The following SRGAP3 variants were observed in gnomAD, a reference collection of about 807,000 sequenced individuals.
SRGAP3 encodes SLIT-ROBO Rho GTPase-activating protein 3.
Under a neutral mutation model 121.1 loss-of-function variants are expected in SRGAP3, and 39 were observed. The ratio of observed to expected loss-of-function variants is 0.32; its 90% CI spans 0.25 to 0.42. The LOEUF is 0.42. SRGAP3 is among the 10% of genes least tolerant of loss of function. The pLI, the probability that SRGAP3 is intolerant of heterozygous loss-of-function variation, is 1.00. For missense variants in SRGAP3, 1,213 were observed against 1,470.6 expected (o/e 0.82, Z 2.86); for synonymous variants, 601 against 570.0 (o/e 1.05, Z -0.77).
intron 3 of SRGAP3, among the ~76,000 whole-genome samples, chr3:9,090,286 C>T (rs185572609): frequency 2.0e-5 from 3 of 152,118 alleles, no homozygotes; most frequent in African/African-American, 4.8e-5. Flanking sequence ...ATGCCGATTA[C>T]GAAGACCTGC....
At chr3:9,039,260 A>T (rs1187033937) in intron 10 of SRGAP3, among the ~76,000 whole-genome samples, 1 of 152,154 alleles carries the variant, frequency 6.6e-6, no homozygotes, top group East Asian at 1.9e-4. Context: ...CTGCCCTACA[A>T]GTTCCTCAGT....
In SRGAP3 at chr3:9,306,250, T is replaced by C. The variant is rs553294228; in HGVS notation, n.442+19760A>G. Among the ~76,000 whole-genome samples, 27 of 152,358 alleles carry C rather than the reference T, an allele frequency of 1.8e-4. No individual in the cohort carries two copies. The East Asian group carries it at 5.2e-3, about 29-fold the overall frequency. On this transcript the variant is annotated intron_variant and non_coding_transcript_variant, in intron 3 of 3. Coordinates refer to the SRGAP3 transcript ENST00000490889. ...CTGTTCATATCCTTTGCCCACTTTT[T>C]GATGGGGTTGTTTGATTTTTTTCTG...
Position 9,025,282 on chromosome 3 carries a change from T to C in SRGAP3, c.1657A>G (p.Ile553Val). 6.2e-7 allele frequency: 1 copy of C among 1,614,160 alleles called. No homozygotes were observed. Residue 553 changes from isoleucine (I) to valine (V), a missense_variant, in exon 14 of 22, where the codon ATC (isoleucine) becomes GTC (valine). Physicochemically the swap from Ile to Val is conservative, Grantham distance 29. Around this residue, in one of 2 missense-constraint regions of SRGAP3, gnomAD observed 793 missense variants for 1,032.9 expected, o/e 0.77. Transcript: ENST00000383836. ...CCACCTCTCTCAAAGGAATTTTTGATGTCATTGACTTCCACCTGAGATCCT... is the reference window on the plus strand; with the variant it reads ...CCACCTCTCTCAAAGGAATTTTTGACGTCATTGACTTCCACCTGAGATCCT... ...VPGSQVEVND[I>V]KNSFERGEDP...
intron 3 of SRGAP3, among the ~76,000 whole-genome samples, chr3:9,310,010 C>A (rs542189810): frequency 6.7e-4 from 102 of 152,324 alleles, no homozygotes; most frequent in Non-Finnish European, 1.1e-3. Context: ...GACATCTACT[C>A]ATTGAGTCTC....
intron 1 of SRGAP3, among the ~76,000 whole-genome samples, chr3:9,139,903 G>A (rs909391249): frequency 4.6e-5 from 7 of 152,104 alleles, no homozygotes; most frequent in Non-Finnish European, 1.0e-4. Flanking sequence ...GACCAGCAGA[G>A]AGAAGGACAG....
intron 3 of SRGAP3, among the ~76,000 whole-genome samples, chr3:9,318,423 C>T (rs1023744405): frequency 6.6e-6 from 1 of 151,890 alleles, no homozygotes; most frequent in Admixed American, 6.5e-5. Flanking sequence ...ATCACACCTC[C>T]TCTTTCCTCC....
chr3:9,361,866 T>C (rs553744909), intron 1 of SRGAP3, among the ~76,000 whole-genome samples: 21 of 152,306 alleles, frequency 1.4e-4, no homozygotes, highest in African/African-American at 3.8e-4. Flanking sequence ...TCACATCCCC[T>C]GCTTCACCTT....
chr3:9,290,089 C>T (rs967720487), intron 3 of SRGAP3, among the ~76,000 whole-genome samples: 2 of 151,712 alleles, frequency 1.3e-5, no homozygotes, highest in African/African-American at 2.4e-5. Context: ...CCAGCCTGGG[C>T]GACAGAGCAA....
intron 4 of SRGAP3, among the ~76,000 whole-genome samples, chr3:9,070,088 T>TTTGCACACATTGCCTTTTGCC: frequency 6.6e-6 from 1 of 152,254 alleles, no homozygotes. Context: ...TGCCTTTTGC[T>TTTGCACACATTGCCTTTTGCC]TTGCACACAT....
At chr3:9,214,115 C>A (rs947463776) in intron 1 of SRGAP3, among the ~76,000 whole-genome samples, 216 of 150,942 alleles carry the variant, frequency 1.4e-3, no homozygotes, top group African/African-American at 4.9e-3. Context: ...CTACCCACCT[C>A]CAACACACAC....
chr3:9,313,444 T>C (rs1027508869), intron 3 of SRGAP3, among the ~76,000 whole-genome samples: 1 of 152,104 alleles, frequency 6.6e-6, no homozygotes, highest in African/African-American at 2.4e-5. Context: ...ATCCCAGCAC[T>C]TTGGGAGGCT....
intron 1 of SRGAP3, among the ~76,000 whole-genome samples, chr3:9,191,600 CA>C (rs1361657800): frequency 6.6e-6 from 1 of 152,166 alleles, no homozygotes; most frequent in Non-Finnish European, 1.5e-5. Flanking sequence ...GAAGGGAATT[CA>C]AGGCAGAAGG....
intron 1 of SRGAP3, among the ~76,000 whole-genome samples, chr3:9,210,601 G>C (rs1952416344): frequency 6.6e-6 from 1 of 152,168 alleles, no homozygotes; most frequent in Admixed American, 6.5e-5. Context: ...GAGGCGGGCA[G>C]ATCACATGAG....
intron 6 of SRGAP3, 162 bp downstream of exon 6, chr3:9,060,069 C>A: frequency 8.8e-7 from 1 of 1,132,110 alleles, no homozygotes; most frequent in East Asian, 2.5e-5. Flanking sequence ...ATTCATTTTC[C>A]ACCTCCCCAA....
At chr3:9,208,393 C>A (rs543940660) in intron 1 of SRGAP3, among the ~76,000 whole-genome samples, 1 of 152,254 alleles carries the variant, frequency 6.6e-6, no homozygotes, top group South Asian at 2.1e-4. Context: ...TCCACCAGAC[C>A]GAGATCCAAC....
chr3:9,320,435 A>G (rs1955420688), intron 3 of SRGAP3, among the ~76,000 whole-genome samples: 3 of 151,732 alleles, frequency 2.0e-5, no homozygotes, highest in Admixed American at 2.0e-4. Flanking sequence ...TTCTTGTGAT[A>G]GTGAGTGAGT....
intron 6 of SRGAP3, chr3:9,058,714 C>CTTT (rs71049768): frequency 1.1e-3 from 242 of 213,440 alleles, no homozygotes; most frequent in Middle Eastern, 5.4e-3. Flanking sequence ...TTCTCTCTCT[C>CTTT]TTTTTTTTTT....
At chr3:9,207,486 T>C (rs79794059) in intron 1 of SRGAP3, among the ~76,000 whole-genome samples, 2 of 152,318 alleles carry the variant, frequency 1.3e-5, no homozygotes, top group East Asian at 3.9e-4. Flanking sequence ...CTATGTATTA[T>C]AGATTGGGCT....
At chr3:9,100,369 C>A (rs1052868409) in intron 3 of SRGAP3, among the ~76,000 whole-genome samples, 1 of 152,156 alleles carries the variant, frequency 6.6e-6, no homozygotes, top group African/African-American at 2.4e-5. Flanking sequence ...CAACTCTTTG[C>A]CCCACTTTCC....
Sources: gnomAD v4.1 joint callset for allele counts (sites outside exome capture counted in the v4.1 genomes callset) on GRCh38, gnomAD v4.1.1 for gene constraint, gnomAD v4.1.1 regional missense constraint, MANE v1.5 for transcripts, NCBI Gene and HGNC (gene_info 2026-07-23, HGNC 2026-07-21) for gene names.